OSBP2: variants seen among roughly 807,000 people sequenced by gnomAD.
The protein encoded by OSBP2 is oxysterol binding protein 2.
In OSBP2, 66 loss-of-function variants were observed where a neutral mutation model predicts 96.0. The observed-to-expected ratio is 0.69, with a 90% CI of 0.56 to 0.84. The LOEUF is 0.84. Among genes scored for constraint, OSBP2 ranks in the 40% least tolerant of loss-of-function variants. The probability of loss-of-function intolerance (pLI) is 0.00; values close to 1 mark genes in which losing one functional copy is unlikely to be tolerated. For missense variants in OSBP2, 1,038 were observed against 1,222.7 expected, an observed-to-expected ratio of 0.85 and a Z score of 2.25; for synonymous variants, 525 against 520.9, an observed-to-expected ratio of 1.01 and a Z score of -0.11.
chr22:30,838,023 G>A (rs928738428), intron 2 of OSBP2, among the ~76,000 whole-genome samples: 2 of 152,112 alleles, frequency 1.3e-5, no homozygotes, highest in Non-Finnish European at 2.9e-5. Context: ...TTTCAGCCCC[G>A]AGGTACATAT....
intron 2 of OSBP2, among the ~76,000 whole-genome samples, chr22:30,779,714 C>T (rs1569120180): frequency 6.6e-6 from 1 of 152,156 alleles, no homozygotes; most frequent in Non-Finnish European, 1.5e-5. Flanking sequence ...AAAGAAGTAC[C>T]TTTTTTTCAA....
At position 30,753,263 on chromosome 22, in the gene OSBP2, A is replaced by G. The variant is rs2090099956; in HGVS notation, c.853+11894A>G. ...GGGTGGCTGGAGGTGGGGTGTGGGG[A>G]TAGGATGTTACTGGTGGGAGGTGAG... On this transcript the variant is annotated intron_variant, in intron 2 of 13. Transcript: ENST00000332585. 1.3e-5 allele frequency among the ~76,000 whole-genome samples: 2 copies of G among 151,966 alleles called. 1 individual carries two copies. The highest frequency in any genetic ancestry group is 4.2e-4 in the South Asian group (2 of 4,818).
In OSBP2 at chr22:30,746,485, C is replaced by CTTTTTTTT. The variant is rs34500140; in HGVS notation, c.853+5130_853+5137dup. ...CCAAAAAATTGAAGAGGATGAAACACTTTTTTTTTTTTTTTTTTTTTGAGA... is the reference window on the plus strand; with the variant it reads ...CCAAAAAATTGAAGAGGATGAAACACTTTTTTTTTTTTTTTTTTTTTTTTTTTTTGAGA... On this transcript the variant is annotated intron_variant, in intron 2 of 13. Transcript: ENST00000332585. Among the ~76,000 whole-genome samples, 21 of 101,542 alleles carry CTTTTTTTT rather than the reference C, an allele frequency of 2.1e-4. 1 individual carries two copies. Among genetic ancestry groups the CTTTTTTTT allele is most frequent in the African/African-American group, 4.5e-4 (11 of 24,668 alleles). 66.6% of individuals were successfully genotyped at this position (101,542 alleles called of 152,430 possible).
At chr22:30,792,923 GTCATCT>G (rs2090697792) in intron 2 of OSBP2, among the ~76,000 whole-genome samples, 1 of 152,152 alleles carries the variant, frequency 6.6e-6, no homozygotes, top group African/African-American at 2.4e-5. Context: ...TGCATTATGG[GTCATCT>G]TCCAAGTGAC....
In OSBP2 at chr22:30,881,747, CCT is replaced by C. The variant is rs1423462949; in HGVS notation, c.1108-5678_1108-5677del. The C allele has an allele frequency of 7.7e-7, 1 of 1,304,100 alleles. No individual in the cohort carries two copies. The highest frequency in any genetic ancestry group is 2.3e-5 in the Admixed American group (1 of 43,572). 80.8% of individuals were successfully genotyped at this position (1,304,100 alleles called of 1,614,324 possible). A position where few individuals can be genotyped will look rare whatever the true frequency, so the allele number is the denominator to read the frequency against. On this transcript the variant is annotated intron_variant, in intron 3 of 13. Transcript: ENST00000332585. The surrounding 1 kb of genome is among the most constrained non-coding windows in gnomAD (Gnocchi z 4.5). Reference sequence around the variant, plus strand: ...TCCCCACAGCACAGCCAGGATGGGGCCTGGAGAAGGCCGGCAGCAGCAGAGGA... The same window carrying C: ...TCCCCACAGCACAGCCAGGATGGGGCGGAGAAGGCCGGCAGCAGCAGAGGA...
At position 30,905,757 on chromosome 22, in the gene OSBP2, G is replaced by T. The variant is rs1242744761; in HGVS notation, c.2376-80G>T. On this transcript the variant is annotated intron_variant, in intron 12 of 13. Transcript: ENST00000332585. ...GTGAGGCGACCCGGGAGGAGACACCGCCAGGCAGGGGAGGGCGGCCGGGTA... is the reference window on the plus strand; with the variant it reads ...GTGAGGCGACCCGGGAGGAGACACCTCCAGGCAGGGGAGGGCGGCCGGGTA... 1.9e-6 allele frequency: 3 copies of T among 1,570,236 alleles called. No homozygotes were observed. In the African/African-American group the frequency reaches 4.0e-5, roughly 21 times the overall value.
chr22:30,816,057 A>T (rs1321084609), intron 2 of OSBP2, among the ~76,000 whole-genome samples: 1 of 152,172 alleles, frequency 6.6e-6, no homozygotes, highest in Admixed American at 6.5e-5. Flanking sequence ...CCAGTGTCCC[A>T]TGCCAACAAG....
At chr22:30,794,668 T>C (rs2090730753) in intron 2 of OSBP2, among the ~76,000 whole-genome samples, 1 of 151,418 alleles carries the variant, frequency 6.6e-6, no homozygotes. Flanking sequence ...TTTAAGAAGC[T>C]AACAACAGTT....
chr22:30,751,239 T>G (rs1000844928), intron 2 of OSBP2, among the ~76,000 whole-genome samples: 2 of 152,186 alleles, frequency 1.3e-5, no homozygotes, highest in African/African-American at 2.4e-5. Flanking sequence ...GCACATGTTC[T>G]CAGGATCTCC....
At chr22:30,889,342 C>A in intron 6 of OSBP2, 108 bp downstream of exon 6, 1 of 1,416,754 alleles carries the variant, frequency 7.1e-7, no homozygotes, top group Non-Finnish European at 9.8e-7. Flanking sequence ...GCCCATGCCC[C>A]AGTCCAGGAG....
intron 2 of OSBP2, among the ~76,000 whole-genome samples, chr22:30,805,868 C>G (rs1184401655): frequency 1.3e-5 from 2 of 152,184 alleles, no homozygotes; most frequent in South Asian, 4.1e-4. Context: ...TGCCAAAGGC[C>G]GTGAGGAGTC....
At chr22:30,773,930 C>T (rs1418599417) in intron 2 of OSBP2, among the ~76,000 whole-genome samples, 1 of 152,202 alleles carries the variant, frequency 6.6e-6, no homozygotes, top group East Asian at 1.9e-4. Context: ...CATATTAGCC[C>T]TCCAGCTGCT....
At position 30,738,560 on chromosome 22, in the gene OSBP2, CT is replaced by C. The variant is rs890077453; in HGVS notation, c.645-2588del. ...TCGCTGTTCAAAAAAAGACAAATGT[CT>C]TTTTTTTTTTTTCTTTGAGACGGAG... On this transcript the variant is annotated intron_variant, in intron 1 of 13. Coordinates refer to ENST00000332585, the MANE Select transcript of OSBP2 (RefSeq NM_030758.4). Among the ~76,000 whole-genome samples the C allele has an allele frequency of 1.5e-3, 222 of 145,164 alleles. 1 individual carries two copies. Among genetic ancestry groups the C allele is most frequent in the South Asian group, 2.9e-3 (13 of 4,554 alleles).
intron 2 of OSBP2, among the ~76,000 whole-genome samples, chr22:30,802,624 C>A (rs541710523): frequency 6.6e-6 from 1 of 152,358 alleles, no homozygotes; most frequent in South Asian, 2.1e-4. Flanking sequence ...CTGCGTCCCG[C>A]CACGGAGAGC....
intron 1 of OSBP2, among the ~76,000 whole-genome samples, chr22:30,705,720 C>T (rs543959093): frequency 7.2e-5 from 11 of 152,088 alleles, no homozygotes; most frequent in Non-Finnish European, 1.5e-4. Context: ...AAGTCTGAAA[C>T]GTTTGTGACA....
intron 2 of OSBP2, among the ~76,000 whole-genome samples, chr22:30,862,846 G>A (rs1438874892): frequency 4.0e-5 from 6 of 151,526 alleles, no homozygotes; most frequent in African/African-American, 1.5e-4. Context: ...GGTGGCGGGC[G>A]CCTGTAATCC....
At chr22:30,882,463 C>T (rs1361178566) in intron 3 of OSBP2, among the ~76,000 whole-genome samples, 2 of 151,264 alleles carry the variant, frequency 1.3e-5, no homozygotes, top group African/African-American at 2.4e-5. Context: ...GCGAGTCCCT[C>T]AGTCACCCTG....
chr22:30,711,916 G>C (rs2089360178), intron 1 of OSBP2, among the ~76,000 whole-genome samples: 1 of 151,946 alleles, frequency 6.6e-6, no homozygotes, highest in Admixed American at 6.6e-5. Flanking sequence ...TAGGTCTCTG[G>C]AGACCTGTAG....
intron 2 of OSBP2, among the ~76,000 whole-genome samples, chr22:30,808,428 G>A (rs1445495607): frequency 1.3e-5 from 2 of 152,078 alleles, no homozygotes; most frequent in Admixed American, 1.3e-4. Flanking sequence ...GAACACTTGA[G>A]CTCAGGAGGT....
Sources: allele counts gnomAD v4.1 joint callset (sites outside exome capture counted in the v4.1 genomes callset), GRCh38; gene constraint gnomAD v4.1.1; non-coding constraint Gnocchi (gnomAD v3.1); transcripts MANE v1.5; gene names NCBI Gene and HGNC (gene_info 2026-07-23, HGNC 2026-07-21).